The following RELN variants were observed in gnomAD, a reference collection of about 807,000 sequenced individuals.
RELN encodes reelin.
RELN carries 108 observed loss-of-function variants against 427.6 expected under a neutral mutation model. The ratio of observed to expected loss-of-function variants is 0.25; its 90% CI spans 0.22 to 0.30. RELN has a LOEUF of 0.30. Ranked by LOEUF, RELN falls within the 10% of genes least tolerant of loss-of-function variation. The pLI is 1.00. For synonymous variants in RELN, 1,524 were observed against 1,513.4 expected (o/e 1.01, Z -0.16); for missense variants, 3,715 against 4,302.8 (o/e 0.86, Z 3.82).
chr7:103,797,163 G>T (rs888797483), intron 3 of RELN, among the ~76,000 whole-genome samples: 2 of 151,960 alleles, frequency 1.3e-5, no homozygotes, highest in Non-Finnish European at 2.9e-5. Context: ...TTGGCTCACC[G>T]CAACCTCTGC....
At position 103,603,420 on chromosome 7, in the gene RELN, A is replaced by C. The variant is rs1402561512; in HGVS notation, c.3217T>G (p.Phe1073Val). 12 of 1,613,742 alleles carry C rather than the reference A, an allele frequency of 7.4e-6. No individual in the cohort carries two copies. The highest frequency in any genetic ancestry group is 2.7e-5 in the African/African-American group (2 of 74,894). The change falls in exon 24 of 65, where the codon TTT becomes GTT. Residue 1073 changes from phenylalanine to valine, a missense_variant. Physicochemically the swap from Phe to Val is conservative, Grantham distance 50. This residue lies in a region of RELN where 2,208 missense variants were observed against 2,361.7 expected (regional missense o/e 0.93). Transcript: ENST00000428762. This position sits in a 1 kb window ranked among gnomAD's most constrained non-coding sequence, Gnocchi z 4.3. ...GACTCCCAGCCATTCTGGTTCTCAA[A>C]ATCTGACATAATTGTGGACGGAAGG... ...AALPSTIMSD[F>V]ENQNGWESDW...
At chr7:103,621,350 G>T (rs1832214204) in intron 20 of RELN, among the ~76,000 whole-genome samples, 1 of 152,124 alleles carries the variant, frequency 6.6e-6, no homozygotes. Context: ...GCCTAATGTT[G>T]TATTTTGTAG....
At chr7:103,521,212 CTCAT>C (rs1829701679) in intron 48 of RELN, among the ~76,000 whole-genome samples, 1 of 151,458 alleles carries the variant, frequency 6.6e-6, no homozygotes, top group Non-Finnish European at 1.5e-5. Flanking sequence ...ATCTCCTGAC[CTCAT>C]GATCCACCCG....
In RELN at chr7:103,833,560, C is replaced by T. The variant is rs767384684; in HGVS notation, c.450G>A (p.Ala150=). The T allele has an allele frequency of 1.2e-5, 19 of 1,614,012 alleles. No homozygotes were observed. Among genetic ancestry groups the T allele is most frequent in the Middle Eastern group, 1.7e-4 (1 of 6,056 alleles). Residue 150 remains alanine, a synonymous_variant, in exon 3 of 65, where the codon GCG becomes GCA. Coordinates refer to ENST00000428762, the MANE Select transcript of RELN (RefSeq NM_005045.4). The part of the protein sequence containing the change: ...NLSFIWIAPP[A]GTGCVNFMAT... ...ACATGAAATTCACACAGCCTGTGCC[C>T]GCAGGTGGAGCAATCCAGATGAAAC...
At chr7:103,790,208 T>C (rs972676110) in intron 3 of RELN, among the ~76,000 whole-genome samples, 84 of 152,024 alleles carry the variant, frequency 5.5e-4, no homozygotes, top group African/African-American at 2.0e-3. Flanking sequence ...AGGGGAGTGA[T>C]AGCATTGGGA....
chr7:103,798,634 C>T (rs1473824966), intron 3 of RELN, among the ~76,000 whole-genome samples: 1 of 152,160 alleles, frequency 6.6e-6, no homozygotes, highest in Non-Finnish European at 1.5e-5. Flanking sequence ...CTATAAATCT[C>T]CTCAGCCAGG....
chr7:103,932,430 C>T (rs10953398), intron 1 of RELN, among the ~76,000 whole-genome samples: 111,299 of 151,854 alleles, frequency 0.73, 40,818 homozygotes, highest in East Asian at 0.88. Context: ...AAACAACAAC[C>T]ATTGGGAACT....
intron 19 of RELN, among the ~76,000 whole-genome samples, chr7:103,633,105 C>A (rs1487932883): frequency 2.6e-5 from 4 of 152,100 alleles, no homozygotes; most frequent in Non-Finnish European, 4.4e-5. Context: ...AGATAGAGTT[C>A]TTTTATTTAC....
intron 3 of RELN, among the ~76,000 whole-genome samples, chr7:103,797,747 T>G (rs1385294577): frequency 2.0e-5 from 3 of 152,040 alleles, no homozygotes; most frequent in Admixed American, 2.0e-4. Context: ...GAAGGAGAGA[T>G]AAGGGCAGCA....
intron 8 of RELN, among the ~76,000 whole-genome samples, chr7:103,706,632 GTTTC>G (rs750497928): frequency 2.0e-5 from 3 of 149,060 alleles, no homozygotes; most frequent in South Asian, 2.1e-4. Context: ...CTTTCTTCTT[GTTTC>G]TTTATCTTTT....
intron 49 of RELN, among the ~76,000 whole-genome samples, chr7:103,517,791 A>G (rs55865436): frequency 0.06 from 9,064 of 152,294 alleles, 392 homozygotes; most frequent in East Asian, 0.18. Context: ...CTCAGTGGCC[A>G]TTCTCCCTTT....
rs372652996 is a variant in RELN at position 103,824,985 on chromosome 7, T to C, written c.473+8552A>G. Among the ~76,000 whole-genome samples, 3 of 149,880 alleles carry C rather than the reference T, an allele frequency of 2.0e-5. No homozygotes were observed. Among genetic ancestry groups the C allele is most frequent in the Non-Finnish European group, 4.5e-5 (3 of 67,078 alleles). On this transcript the variant is annotated intron_variant, in intron 3 of 64. Transcript: ENST00000428762. This position sits in a 1 kb window ranked among gnomAD's most constrained non-coding sequence, Gnocchi z 4.4. Reference sequence around the variant, plus strand: ...TTTTTGAAGCTCTTGCTTCAAATAATAGGTGGTTCTAGGAGAGTAAAGGAA... The same window carrying C: ...TTTTTGAAGCTCTTGCTTCAAATAACAGGTGGTTCTAGGAGAGTAAAGGAA...
intron 2 of RELN, among the ~76,000 whole-genome samples, 195 bp from the exon 3 acceptor site, chr7:103,833,867 T>C (rs748580044): frequency 2.9e-4 from 44 of 152,300 alleles, no homozygotes; most frequent in Middle Eastern, 6.8e-3. Flanking sequence ...GTTAAAGGAG[T>C]GACCTGCTGG....
intron 61 of RELN, among the ~76,000 whole-genome samples, chr7:103,485,159 G>T (rs1828385552): frequency 6.9e-6 from 1 of 144,752 alleles, no homozygotes; most frequent in South Asian, 2.2e-4. Context: ...GCACCTAGTT[G>T]CAGCTATATA....
chr7:103,786,203 T>C (rs954222818), intron 3 of RELN, among the ~76,000 whole-genome samples: 5 of 152,036 alleles, frequency 3.3e-5, no homozygotes, highest in Non-Finnish European at 7.4e-5. Flanking sequence ...AAAGTATTAA[T>C]GTGAAAATAA....
intron 8 of RELN, among the ~76,000 whole-genome samples, chr7:103,713,068 G>C (rs1789845874): frequency 6.6e-6 from 1 of 152,152 alleles, no homozygotes; most frequent in Non-Finnish European, 1.5e-5. Flanking sequence ...CAGGGCCACA[G>C]AAGGAGAGAA....
chr7:103,516,536 C>A (rs1192908713), intron 49 of RELN, among the ~76,000 whole-genome samples: 1 of 152,148 alleles, frequency 6.6e-6, no homozygotes, highest in African/African-American at 2.4e-5. Flanking sequence ...GATCCACCCA[C>A]CTCAGCCTCC....
intron 2 of RELN, among the ~76,000 whole-genome samples, chr7:103,895,338 C>T (rs182982790): frequency 1.1e-4 from 17 of 152,048 alleles, no homozygotes; most frequent in East Asian, 3.9e-4. Flanking sequence ...AGATACCACA[C>T]GAGGCAAATG....
In RELN at chr7:103,572,242, T is replaced by C. The variant is rs771852066; in HGVS notation, c.4530A>G (p.Ile1510Met). The change falls in exon 31 of 65, where the codon ATA becomes ATG. Residue 1510 changes from isoleucine to methionine, a missense_variant. Transcript: ENST00000428762. ...TRNIRLVQFYIQIGSKTSGIT... is the reference protein window; with the variant it reads ...TRNIRLVQFYMQIGSKTSGIT... ...TGCCTGAAGTTTTGCTTCCAATTTG[T>C]ATATAAAATTGAACAAGTCTGGGGA... 6.3e-7 allele frequency: 1 copy of C among 1,580,214 alleles called. No individual in the cohort carries two copies. The highest frequency in any genetic ancestry group is 8.7e-7 in the Non-Finnish European group (1 of 1,149,164).
Sources: gnomAD v4.1 joint callset for allele counts (sites outside exome capture counted in the v4.1 genomes callset) on GRCh38, gnomAD v4.1.1 for gene constraint, gnomAD v4.1.1 regional missense constraint, Gnocchi (gnomAD v3.1) non-coding constraint, MANE v1.5 for transcripts, NCBI Gene and HGNC (gene_info 2026-07-23, HGNC 2026-07-21) for gene names.